The following CYP4F22 variants were observed in gnomAD, a reference collection of about 807,000 sequenced individuals.
The protein encoded by CYP4F22 is cytochrome P450 family 4 subfamily F member 22, also known as ultra-long-chain fatty acid omega-hydroxylase.
CYP4F22 carries 37 observed loss-of-function variants against 60.4 expected under a neutral mutation model. The ratio of observed to expected loss-of-function variants is 0.61; its 90% CI spans 0.47 to 0.81. The LOEUF (loss-of-function observed/expected upper bound fraction) is 0.81. CYP4F22 is among the 30% of genes least tolerant of loss of function. The pLI, the probability that CYP4F22 is intolerant of heterozygous loss-of-function variation, is 0.00. For missense variants in CYP4F22, 655 were observed against 715.0 expected, an observed-to-expected ratio of 0.92 and a Z score of 0.96; for synonymous variants, 258 against 280.5, an observed-to-expected ratio of 0.92 and a Z score of 0.80.
chr19:15,513,378 T>C (rs1488642361), intron 1 of CYP4F22, among the ~76,000 whole-genome samples: 2 of 143,354 alleles, frequency 1.4e-5, no homozygotes, highest in South Asian at 4.4e-4. Flanking sequence ...TTTTTTTTTT[T>C]TTTTGAGACA....
At chr19:15,544,948 C>T (rs116946226) in intron 10 of CYP4F22, among the ~76,000 whole-genome samples, 25,924 of 152,132 alleles carry the variant, frequency 0.17, 2,616 homozygotes, top group Middle Eastern at 0.31. Context: ...GTAATCCCCC[C>T]TACTCGGGAG....
intron 1 of CYP4F22, among the ~76,000 whole-genome samples, chr19:15,509,889 C>CTTTCTTTCTTTCT (rs1356540776): frequency 0.027 from 3,098 of 116,720 alleles, 178 homozygotes; most frequent in Admixed American, 0.057. Flanking sequence ...TCCTTCCTTC[C>CTTTCTTTCTTTCT]TTCCTTCCTT....
In CYP4F22 at chr19:15,540,524, A is replaced by G. The variant is rs1350368328; in HGVS notation, c.746A>G (p.His249Arg). Residue 249 changes from histidine to arginine, a missense_variant, in exon 8 of 14, where the codon CAC becomes CGC. This residue lies in a region of CYP4F22 where 430 missense variants were observed against 457.1 expected (regional missense o/e 0.94). Coordinates refer to ENST00000269703, the MANE Select transcript of CYP4F22 (RefSeq NM_173483.4). ...LSVRRQYRLH[H>R]YLDFIYYRSA... is the part of the protein sequence containing the mutation. ...GTCCGGCGCCAGTATCGCTTGCACC[A>G]CTACCTCGACTTCATTTACTACCGC... The G allele has an allele frequency of 6.2e-7, 1 of 1,614,022 alleles. No homozygotes were observed. Among genetic ancestry groups the G allele is most frequent in the East Asian group, 2.2e-5 (1 of 44,876 alleles).
chr19:15,537,843 T>C (rs1412282887), intron 6 of CYP4F22, 29 bp from the exon 7 acceptor site: 2 of 1,613,018 alleles, frequency 1.2e-6, no homozygotes, highest in Non-Finnish European at 1.7e-6. Flanking sequence ...GTGGTTTCCA[T>C]GCACAGTCAC....
chr19:15,541,720 A>C (rs1440403863), intron 8 of CYP4F22, among the ~76,000 whole-genome samples: 1 of 152,018 alleles, frequency 6.6e-6, no homozygotes, highest in Non-Finnish European at 1.5e-5. Context: ...ATCTCTACTA[A>C]AAATACAAAA....
Position 15,509,897 on chromosome 19 carries a change from C to CTTTCT in CYP4F22, c.-109+1316_-109+1317insTCTTT, listed in dbSNP as rs1213253329. Reference sequence around the variant, plus strand: ...CCTTCCTTCCTTCCTTCCTTCCTTCCTTCCTTCCTTTCTTTCTTTCCTTCC... The same window carrying CTTTCT: ...CCTTCCTTCCTTCCTTCCTTCCTTCCTTTCTTTCCTTCCTTTCTTTCTTTCCTTCC... On this transcript the variant is annotated intron_variant, in intron 1 of 13. Transcript: ENST00000269703. Among the ~76,000 whole-genome samples the CTTTCT allele has an allele frequency of 5.7e-3, 653 of 114,856 alleles. 13 individuals are homozygous for CTTTCT. The highest frequency in any genetic ancestry group is 0.012 in the African/African-American group (387 of 32,178). The allele number at this position is 114,856 out of a possible 152,430, so 75.3% of individuals were successfully genotyped here.
chr19:15,511,181 G>T (rs771648400), intron 1 of CYP4F22, among the ~76,000 whole-genome samples: 1 of 151,116 alleles, frequency 6.6e-6, no homozygotes, highest in Non-Finnish European at 1.5e-5. Context: ...GGTCAGGCTG[G>T]TCTCGAACTC....
In CYP4F22 at chr19:15,547,018, G is replaced by GTTTT. The variant is rs71176432; in HGVS notation, c.1137-1071_1137-1068dup. 3.5e-3 allele frequency among the ~76,000 whole-genome samples: 292 copies of GTTTT among 82,300 alleles called. 24 individuals carry two copies. The highest frequency in any genetic ancestry group is 0.015 in the African/African-American group (270 of 17,580). 54.0% of individuals were successfully genotyped at this position (82,300 alleles called of 152,430 possible). On this transcript the variant is annotated intron_variant, in intron 10 of 13. Coordinates refer to ENST00000269703, the MANE Select transcript of CYP4F22 (RefSeq NM_173483.4). ...GAGCCACCATGCCTGGCCTGCACCA[G>GTTTT]TTTTTTTTTTTTTTTTTTTTTTAAG... is the stretch of plus-strand genomic sequence containing the variant.
In CYP4F22 at chr19:15,551,660, TAGG is replaced by T. The variant is rs1217989344; in HGVS notation, c.*190_*192del. The stretch of plus-strand genomic sequence containing the variant: ...CCCCTCAAGGCAAGGCTCCTCCCCT[TAGG>T]GGGCCTGATCCCGCCCCTTGAGGCT... On this transcript the variant is annotated 3_prime_UTR_variant, in exon 14 of 14. Coordinates refer to ENST00000269703, the MANE Select transcript of CYP4F22 (RefSeq NM_173483.4). 5.7e-6 allele frequency: 4 copies of T among 703,574 alleles called. No homozygotes were observed. In the Admixed American group the frequency reaches 1.2e-4, roughly 21 times the overall value. 43.6% of individuals were successfully genotyped at this position (703,574 alleles called of 1,614,324 possible).
chr19:15,528,282 G>A (rs1447739159), intron 3 of CYP4F22, among the ~76,000 whole-genome samples: 1 of 152,068 alleles, frequency 6.6e-6, no homozygotes, highest in Non-Finnish European at 1.5e-5. Context: ...GCAAGACCCA[G>A]TTTTTACAAA....
intron 1 of CYP4F22, among the ~76,000 whole-genome samples, chr19:15,510,475 G>A (rs1035883650): frequency 1.3e-5 from 2 of 152,102 alleles, no homozygotes; most frequent in African/African-American, 4.8e-5. Context: ...AGAAATTGAG[G>A]CTCAGAGAGG....
intron 1 of CYP4F22, among the ~76,000 whole-genome samples, chr19:15,512,022 AGCC>A (rs1971098509): frequency 6.6e-6 from 1 of 151,734 alleles, no homozygotes; most frequent in African/African-American, 2.4e-5. Context: ...TGGACATGCC[AGCC>A]GCCCACAACA....
rs71176432 is a variant in CYP4F22, at chr19:15,547,018, G to GTTTTTTTTTTTTTTTTTTTTTT, written c.1137-1089_1137-1068dup. ...GAGCCACCATGCCTGGCCTGCACCA[G>GTTTTTTTTTTTTTTTTTTTTTT]TTTTTTTTTTTTTTTTTTTTTTAAG... On this transcript the variant is annotated intron_variant, in intron 10 of 13. Coordinates refer to ENST00000269703, the MANE Select transcript of CYP4F22 (RefSeq NM_173483.4). Among the ~76,000 whole-genome samples the GTTTTTTTTTTTTTTTTTTTTTT allele has an allele frequency of 4.3e-4, 35 of 82,310 alleles. 5 individuals carry two copies. Among genetic ancestry groups the GTTTTTTTTTTTTTTTTTTTTTT allele is most frequent in the African/African-American group, 1.9e-3 (34 of 17,588 alleles). The allele number at this position is 82,310 out of a possible 152,430, so 54.0% of individuals were successfully genotyped here. A position where few individuals can be genotyped will look rare whatever the true frequency, so the allele number is the denominator to read the frequency against.
intron 1 of CYP4F22, chr19:15,516,774 C>G (rs1971159904): frequency 1.7e-6 from 1 of 590,742 alleles, no homozygotes; most frequent in Non-Finnish European, 2.8e-6. Context: ...GAAAGATAGT[C>G]CACTTGCTCA....
intron 1 of CYP4F22, among the ~76,000 whole-genome samples, chr19:15,519,241 C>T (rs1318559912): frequency 6.6e-6 from 1 of 151,618 alleles, no homozygotes; most frequent in African/African-American, 2.4e-5. Context: ...GAAAGACGGG[C>T]TCAAAGCAGA....
chr19:15,549,385 C>T (rs898484238), intron 12 of CYP4F22, among the ~76,000 whole-genome samples, 183 bp downstream of exon 12: 5 of 152,222 alleles, frequency 3.3e-5, no homozygotes, highest in East Asian at 1.9e-4. Context: ...TGAGCACCTA[C>T]TGTGTGCCAG....
chr19:15,516,832 A>ATT, intron 1 of CYP4F22: 1 of 276,150 alleles, frequency 3.6e-6, no homozygotes, highest in Non-Finnish European at 5.9e-6. Context: ...AAGAGATGTT[A>ATT]TTCTTTTTTT....
intron 13 of CYP4F22, 138 bp from the exon 14 acceptor site, chr19:15,551,156 C>G: frequency 8.8e-7 from 1 of 1,137,838 alleles, no homozygotes; most frequent in Non-Finnish European, 1.3e-6. Context: ...CTCACTTTAA[C>G]CCTCACCCAG....
chr19:15,547,018 G>GTTTTGTTTTTTTTTTTTTT (rs1555730099), intron 10 of CYP4F22, among the ~76,000 whole-genome samples: 5 of 82,330 alleles, frequency 6.1e-5, no homozygotes, highest in African/African-American at 2.3e-4. Flanking sequence ...GCCTGCACCA[G>GTTTTGTTTTTTTTTTTTTT]TTTTTTTTTT....
Sources: allele counts gnomAD v4.1 joint callset (sites outside exome capture counted in the v4.1 genomes callset), GRCh38; gene constraint gnomAD v4.1.1; regional missense constraint gnomAD v4.1.1; transcripts MANE v1.5; gene names NCBI Gene and HGNC (gene_info 2026-07-23, HGNC 2026-07-21).